Variants in ATF6 observed in about 807,000 individuals in gnomAD.
The protein encoded by ATF6 is cyclic AMP-dependent transcription factor ATF-6 alpha.
A neutral mutation model predicts 83.6 loss-of-function variants in ATF6; 53 were observed. The observed-to-expected ratio is 0.63, with a 90% CI of 0.51 to 0.80. The LOEUF (loss-of-function observed/expected upper bound fraction) is 0.80. Ranked by LOEUF, ATF6 falls within the 30% of genes least tolerant of loss-of-function variation. The pLI is 0.00. For missense variants in ATF6, 744 were observed against 797.9 expected (o/e 0.93, Z 0.81); for synonymous variants, 288 against 285.8 (o/e 1.01, Z -0.08).
intron 7 of ATF6, among the ~76,000 whole-genome samples, chr1:161,812,261 CT>C (rs1685484416): frequency 7.4e-6 from 1 of 135,446 alleles, no homozygotes; most frequent in Non-Finnish European, 1.5e-5. Context: ...TTTTCTGCTT[CT>C]TTAGTGATTA....
intron 15 of ATF6, among the ~76,000 whole-genome samples, chr1:161,914,562 A>G (rs1326462938): frequency 6.6e-6 from 1 of 152,146 alleles, no homozygotes; most frequent in Non-Finnish European, 1.5e-5. Context: ...CCATATGGTC[A>G]TAATCTAGAC....
chr1:161,933,335 G>C (rs1274264217), intron 15 of ATF6, among the ~76,000 whole-genome samples: 2 of 152,168 alleles, frequency 1.3e-5, no homozygotes, highest in African/African-American at 4.8e-5. Context: ...ATGCATATGT[G>C]TATATGTATT....
At chr1:161,875,578 C>T (rs1356490458) in intron 14 of ATF6, among the ~76,000 whole-genome samples, 1 of 151,902 alleles carries the variant, frequency 6.6e-6, no homozygotes, top group East Asian at 1.9e-4. Flanking sequence ...CTAGTTTTCA[C>T]TTGAGGGTTC....
intron 6 of ATF6, among the ~76,000 whole-genome samples, chr1:161,801,201 C>A (rs1685135412): frequency 1.3e-5 from 2 of 151,976 alleles, no homozygotes; most frequent in South Asian, 4.1e-4. Context: ...AATAATGATA[C>A]CTCTGAATAC....
intron 14 of ATF6, among the ~76,000 whole-genome samples, chr1:161,878,835 T>C (rs779019393): frequency 6.6e-6 from 1 of 152,114 alleles, no homozygotes; most frequent in Non-Finnish European, 1.5e-5. Context: ...AGTGATGACA[T>C]GAAACATAAA....
At chr1:161,821,544 G>A (rs138587963) in intron 9 of ATF6, among the ~76,000 whole-genome samples, 163 of 152,334 alleles carry the variant, frequency 1.1e-3, no homozygotes, top group African/African-American at 3.6e-3. Context: ...TTTGCCATGT[G>A]CAAAGTATGA....
chr1:161,919,747 C>T (rs1688165901), intron 15 of ATF6, among the ~76,000 whole-genome samples: 2 of 152,050 alleles, frequency 1.3e-5, no homozygotes, highest in Non-Finnish European at 2.9e-5. Context: ...TAAGGGCCCA[C>T]GTAGATGAAC....
chr1:161,789,955 C>T (rs1213984460), intron 4 of ATF6, among the ~76,000 whole-genome samples: 1 of 152,146 alleles, frequency 6.6e-6, no homozygotes, highest in Non-Finnish European at 1.5e-5. Flanking sequence ...GTCACTCTCA[C>T]CAGTGAGACT....
chr1:161,896,289 G>T (rs1687675788), intron 14 of ATF6, among the ~76,000 whole-genome samples: 1 of 152,166 alleles, frequency 6.6e-6, no homozygotes, highest in Non-Finnish European at 1.5e-5. Context: ...TAGAAACAGG[G>T]TTTCTTCACA....
chr1:161,818,100 CAAAA>C (rs778851235), intron 7 of ATF6, among the ~76,000 whole-genome samples: 7 of 79,750 alleles, frequency 8.8e-5, no homozygotes, highest in Non-Finnish European at 1.0e-4. Context: ...GACTCCATCT[CAAAA>C]AAAAAAAAAA....
chr1:161,792,596 G>C lies in ATF6; in HGVS notation c.688+269G>C, dbSNP rs535295102. ...TTTTATTCTGGTGGATAAAATACAG[G>C]AACACAAATTTTAAGCTAGTTGAAG... On this transcript the variant is annotated intron_variant, in intron 6 of 15. Transcript: ENST00000367942. Among the ~76,000 whole-genome samples the C allele has an allele frequency of 1.2e-4, 18 of 152,246 alleles. No individual in the cohort carries two copies. The East Asian group carries it at 3.1e-3, about 26-fold the overall frequency.
intron 9 of ATF6, among the ~76,000 whole-genome samples, chr1:161,821,579 C>G (rs1000488812): frequency 1.3e-5 from 2 of 152,104 alleles, no homozygotes; most frequent in Non-Finnish European, 2.9e-5. Flanking sequence ...GCAAAGGGAA[C>G]AGCATGTTTA....
At chr1:161,882,693 G>A (rs1341694242) in intron 14 of ATF6, among the ~76,000 whole-genome samples, 1 of 148,368 alleles carries the variant, frequency 6.7e-6, no homozygotes, top group Non-Finnish European at 1.5e-5. Flanking sequence ...TTAAGTTTTA[G>A]TGGGGGTCGA....
chr1:161,915,963 A>G (rs923333109), intron 15 of ATF6, among the ~76,000 whole-genome samples: 1 of 152,032 alleles, frequency 6.6e-6, no homozygotes, highest in African/African-American at 2.4e-5. Flanking sequence ...GTGTAGGGAG[A>G]CTTCTTTGAC....
intron 14 of ATF6, among the ~76,000 whole-genome samples, chr1:161,869,013 G>C (rs1057480368): frequency 6.6e-6 from 1 of 151,966 alleles, no homozygotes; most frequent in Non-Finnish European, 1.5e-5. Flanking sequence ...TATTTGTACA[G>C]ATTCAAGCAG....
chr1:161,796,564 A>G (rs1685026337), intron 6 of ATF6, among the ~76,000 whole-genome samples: 1 of 152,200 alleles, frequency 6.6e-6, no homozygotes, highest in Admixed American at 6.5e-5. Context: ...TATTTCATAT[A>G]TCTTTGTACA....
intron 9 of ATF6, among the ~76,000 whole-genome samples, chr1:161,837,423 C>T (rs890871128): frequency 2.0e-5 from 3 of 152,182 alleles, no homozygotes; most frequent in Admixed American, 1.3e-4. Context: ...TTTTTGGTGT[C>T]TGTGTGTTCT....
intron 14 of ATF6, among the ~76,000 whole-genome samples, chr1:161,870,885 A>G (rs764998250): frequency 9.9e-5 from 15 of 151,676 alleles, no homozygotes; most frequent in African/African-American, 2.9e-4. Flanking sequence ...TAATTTTTCA[A>G]TGGTTCTTAT....
intron 9 of ATF6, among the ~76,000 whole-genome samples, chr1:161,830,623 G>T (rs1305493510): frequency 1.3e-5 from 2 of 152,198 alleles, no homozygotes; most frequent in Non-Finnish European, 2.9e-5. Flanking sequence ...GAACAGAACA[G>T]AGCCCTCAGA....
Sources: gnomAD v4.1 joint callset for allele counts (sites outside exome capture counted in the v4.1 genomes callset) on GRCh38, gnomAD v4.1.1 for gene constraint, MANE v1.5 for transcripts, NCBI Gene and HGNC (gene_info 2026-07-23, HGNC 2026-07-21) for gene names.